The following TRABD2B variants were observed in gnomAD, a reference collection of about 807,000 sequenced individuals.
TRABD2B encodes the protein metalloprotease TIKI2.
Under a neutral mutation model 40.1 loss-of-function variants are expected in TRABD2B, and 14 were observed. That is an observed-to-expected ratio of 0.35 (90% CI 0.23 to 0.55). The LOEUF (loss-of-function observed/expected upper bound fraction) is 0.55. Among genes scored for constraint, TRABD2B ranks in the 20% least tolerant of loss-of-function variants. The probability of loss-of-function intolerance (pLI) is 0.90; values close to 1 mark genes in which losing one functional copy is unlikely to be tolerated. For missense variants in TRABD2B, 541 were observed against 648.6 expected (o/e 0.83, Z 1.80); for synonymous variants, 263 against 277.0 (o/e 0.95, Z 0.50).
intron 2 of TRABD2B, among the ~76,000 whole-genome samples, chr1:47,872,421 G>C (rs1337907705): frequency 6.6e-6 from 1 of 152,174 alleles, no homozygotes; most frequent in Non-Finnish European, 1.5e-5. Context: ...TGGAGGAATG[G>C]ATGGATGGAT....
chr1:47,882,900 T>C (rs1047460262), intron 2 of TRABD2B, among the ~76,000 whole-genome samples: 82 of 152,068 alleles, frequency 5.4e-4, no homozygotes, highest in Non-Finnish European at 5.3e-4. Context: ...GTAAAAGGAT[T>C]GGGAGAGGAG....
chr1:47,872,549 C>T (rs1286405454), intron 2 of TRABD2B, among the ~76,000 whole-genome samples: 2 of 152,104 alleles, frequency 1.3e-5, no homozygotes, highest in African/African-American at 4.8e-5. Context: ...TCCCCATGTG[C>T]ATGTGGGGAG....
intron 2 of TRABD2B, among the ~76,000 whole-genome samples, chr1:47,920,736 T>C (rs1264230427): frequency 1.3e-5 from 2 of 152,324 alleles, no homozygotes; most frequent in South Asian, 2.1e-4. Flanking sequence ...CTCTTTTCCT[T>C]ATTGGTGTTT....
At chr1:47,979,566 A>G (rs1039749201) in intron 2 of TRABD2B, among the ~76,000 whole-genome samples, 16 of 152,084 alleles carry the variant, frequency 1.1e-4, no homozygotes, top group Non-Finnish European at 2.1e-4. Context: ...CCAGTGCTCT[A>G]TTCACCGACC....
chr1:47,848,686 T>C (rs1490287856), intron 2 of TRABD2B, among the ~76,000 whole-genome samples: 3 of 152,178 alleles, frequency 2.0e-5, no homozygotes, highest in African/African-American at 7.2e-5. Context: ...GTTAGTAACC[T>C]GGAAGGGCAG....
intron 2 of TRABD2B, among the ~76,000 whole-genome samples, chr1:47,911,628 G>A (rs965623988): frequency 6.6e-6 from 1 of 152,214 alleles, no homozygotes; most frequent in African/African-American, 2.4e-5. Context: ...TCCTGCTCCA[G>A]GAGGAGCTTA....
chr1:47,841,492 A>G (rs1479653794), intron 2 of TRABD2B, among the ~76,000 whole-genome samples: 4 of 152,172 alleles, frequency 2.6e-5, no homozygotes, highest in African/African-American at 9.7e-5. Flanking sequence ...TCACTTATTC[A>G]TTCATTGTCA....
chr1:47,961,409 A>G (rs1190808272), intron 2 of TRABD2B, among the ~76,000 whole-genome samples: 1 of 152,228 alleles, frequency 6.6e-6, no homozygotes, highest in Admixed American at 6.5e-5. Flanking sequence ...AGAAACTACC[A>G]CCAGAGTGAA....
chr1:47,780,718 G>C (rs1228453597), intron 4 of TRABD2B, among the ~76,000 whole-genome samples: 1 of 152,164 alleles, frequency 6.6e-6, no homozygotes, highest in East Asian at 1.9e-4. Flanking sequence ...TCCAGTAGGG[G>C]GAACAGCATG....
At chr1:47,981,989 A>T (rs1376996374) in intron 2 of TRABD2B, among the ~76,000 whole-genome samples, 1 of 152,224 alleles carries the variant, frequency 6.6e-6, no homozygotes, top group African/African-American at 2.4e-5. Flanking sequence ...TGGGGACTCC[A>T]GCCTAAACCT....
At chr1:47,875,967 A>G (rs1644220214) in intron 2 of TRABD2B, among the ~76,000 whole-genome samples, 1 of 152,206 alleles carries the variant, frequency 6.6e-6, no homozygotes, top group Non-Finnish European at 1.5e-5. Flanking sequence ...CACATGATGT[A>G]TATTTACAAA....
Position 47,801,549 on chromosome 1 carries a change from TAGG to T in TRABD2B, c.734_736del (p.Ser245del). 1 of 1,536,008 alleles carries T rather than the reference TAGG, an allele frequency of 6.5e-7. No individual in the cohort carries two copies. The highest frequency in any genetic ancestry group is 8.7e-7 in the Non-Finnish European group (1 of 1,146,850). On this transcript the variant is annotated inframe_deletion, in exon 3 of 7. Transcript: ENST00000606738. ...GTGCTTGATGAGGTCCTCCGTGGTG[TAGG>T]AGGCCTGCAGGCTCCCGGCCCGCAC...
chr1:47,977,492 C>T (rs987537467), intron 2 of TRABD2B, among the ~76,000 whole-genome samples: 4 of 152,116 alleles, frequency 2.6e-5, no homozygotes, highest in Non-Finnish European at 4.4e-5. Flanking sequence ...CATGCCTGAG[C>T]TCCATTTACC....
intron 3 of TRABD2B, among the ~76,000 whole-genome samples, chr1:47,800,711 C>G (rs1424270900): frequency 6.6e-6 from 1 of 152,176 alleles, no homozygotes; most frequent in African/African-American, 2.4e-5. Flanking sequence ...TGGGAGAATG[C>G]CTGACCCTAT....
At chr1:47,849,767 C>T (rs1168076317) in intron 2 of TRABD2B, among the ~76,000 whole-genome samples, 1 of 152,252 alleles carries the variant, frequency 6.6e-6, no homozygotes, top group African/African-American at 2.4e-5. Context: ...AAACCTGGCC[C>T]CTGAAGGCCA....
At chr1:47,987,534 ACT>A (rs1405630832) in intron 2 of TRABD2B, among the ~76,000 whole-genome samples, 1 of 151,844 alleles carries the variant, frequency 6.6e-6, no homozygotes, top group Non-Finnish European at 1.5e-5. Context: ...TTAGGACCTC[ACT>A]CTCCTCTGAT....
chr1:47,957,700 G>A (rs1645445328), intron 2 of TRABD2B, among the ~76,000 whole-genome samples: 1 of 152,134 alleles, frequency 6.6e-6, no homozygotes, highest in Non-Finnish European at 1.5e-5. Flanking sequence ...CAAGAAATAT[G>A]GGACTATGTG....
Position 47,938,681 on chromosome 1 carries a change from A to G in TRABD2B, c.666+55353T>C, listed in dbSNP as rs117101014. ...GATCTCCCACTTTCCTTTTACTGGAATCATGTGTCCCTGTCTAAAACGATG... is the reference window on the plus strand; with the variant it reads ...GATCTCCCACTTTCCTTTTACTGGAGTCATGTGTCCCTGTCTAAAACGATG... On this transcript the variant is annotated intron_variant, in intron 2 of 6. Coordinates refer to ENST00000606738, the MANE Select transcript of TRABD2B (RefSeq NM_001194986.2). 3.1e-4 allele frequency among the ~76,000 whole-genome samples: 47 copies of G among 152,316 alleles called. 1 individual carries two copies. The East Asian group carries it at 7.9e-3, about 26-fold the overall frequency.
intron 2 of TRABD2B, among the ~76,000 whole-genome samples, chr1:47,986,048 A>C (rs994193056): frequency 6.6e-6 from 1 of 152,228 alleles, no homozygotes; most frequent in Non-Finnish European, 1.5e-5. Flanking sequence ...TAGCAAGCAA[A>C]GAATAAAAAG....
Sources: gnomAD v4.1 joint callset for allele counts (sites outside exome capture counted in the v4.1 genomes callset) on GRCh38, gnomAD v4.1.1 for gene constraint, MANE v1.5 for transcripts, NCBI Gene and HGNC (gene_info 2026-07-23, HGNC 2026-07-21) for gene names.